Variants in ASTN2 observed in about 807,000 individuals in gnomAD.
The protein encoded by ASTN2 is astrotactin 2.
ASTN2 carries 54 observed loss-of-function variants against 139.8 expected under a neutral mutation model. The observed-to-expected ratio is 0.39, with a 90% CI of 0.31 to 0.48. The LOEUF (loss-of-function observed/expected upper bound fraction) is 0.48, where lower values mean the gene tolerates loss of function less well. ASTN2 is among the 20% of genes least tolerant of loss of function. The probability of loss-of-function intolerance (pLI) is 0.95; values close to 1 mark genes in which losing one functional copy is unlikely to be tolerated. For synonymous variants in ASTN2, 756 were observed against 719.5 expected (o/e 1.05, Z -0.81); for missense variants, 1,565 against 1,725.1 (o/e 0.91, Z 1.64).
rs1485860832 is a variant in ASTN2, at chr9:117,092,452, G to GA, written c.1276+3591dup. ...GAAACGTGGTGGCAAAGCCAGGACT[G>GA]AAAATCACTGTTCCTGTCACACACA... On this transcript the variant is annotated intron_variant, in intron 5 of 22. Transcript: ENST00000313400. Among the ~76,000 whole-genome samples, 4 of 152,146 alleles carry GA rather than the reference G, an allele frequency of 2.6e-5. No homozygotes were observed. The East Asian group carries it at 7.7e-4, about 29-fold the overall frequency.
chr9:117,292,434 T>C (rs946308983), intron 1 of ASTN2, among the ~76,000 whole-genome samples: 3 of 152,154 alleles, frequency 2.0e-5, no homozygotes, highest in Non-Finnish European at 4.4e-5. Context: ...TGACTAAAGG[T>C]GTATGTGCCT....
chr9:117,085,754 A>G (rs749745253), intron 5 of ASTN2, among the ~76,000 whole-genome samples: 1 of 152,166 alleles, frequency 6.6e-6, no homozygotes, highest in Non-Finnish European at 1.5e-5. Context: ...TCTCAGGGAT[A>G]TGATCAGGTT....
chr9:116,473,273 C>T (rs1354547922), intron 20 of ASTN2, among the ~76,000 whole-genome samples: 2 of 152,176 alleles, frequency 1.3e-5, no homozygotes, highest in Non-Finnish European at 2.9e-5. Flanking sequence ...TAAGTACCTA[C>T]TAAGTGCCAG....
At chr9:116,900,750 C>G (rs1018345947) in intron 10 of ASTN2, among the ~76,000 whole-genome samples, 1 of 152,060 alleles carries the variant, frequency 6.6e-6, no homozygotes, top group Non-Finnish European at 1.5e-5. Context: ...TCTCCATCTC[C>G]CTCTTTCCTG....
intron 19 of ASTN2, among the ~76,000 whole-genome samples, chr9:116,545,242 C>A (rs536875104): frequency 6.6e-6 from 1 of 152,328 alleles, no homozygotes; most frequent in African/African-American, 2.4e-5. Flanking sequence ...GGAGTTTCAG[C>A]CCCTAGATGG....
At position 117,331,674 on chromosome 9, in the gene ASTN2, A is replaced by G. The variant is rs145508862; in HGVS notation, c.443-40161T>C. Among the ~76,000 whole-genome samples the G allele has an allele frequency of 2.0e-4, 31 of 152,298 alleles. 1 individual carries two copies. In the East Asian group the frequency reaches 5.6e-3, roughly 28 times the overall value. On this transcript the variant is annotated intron_variant, in intron 1 of 22. Transcript: ENST00000313400. ...GCTCTTGGAATATTAGCGATTTTCA[A>G]CACAATCCTGACATACCTTCTCTAT...
chr9:117,193,436 G>A lies in ASTN2; in HGVS notation c.1015+20922C>T, dbSNP rs371096261. Among the ~76,000 whole-genome samples, 16 of 151,924 alleles carry A rather than the reference G, an allele frequency of 1.1e-4. No individual in the cohort carries two copies. The East Asian group carries it at 2.7e-3, about 26-fold the overall frequency. The stretch of plus-strand genomic sequence containing the variant: ...GGTTGGATCATGAGGTGAGGAGATC[G>A]AGACCATCCTGGCCAACATGGTGAA... On this transcript the variant is annotated intron_variant, in intron 3 of 22. Coordinates refer to ENST00000313400, the MANE Select transcript of ASTN2 (RefSeq NM_001365068.1).
intron 7 of ASTN2, among the ~76,000 whole-genome samples, chr9:116,997,793 G>A (rs1176765530): frequency 6.6e-6 from 1 of 152,132 alleles, no homozygotes; most frequent in Non-Finnish European, 1.5e-5. Context: ...TCTTTGCATG[G>A]TGTTTGGTAC....
intron 2 of ASTN2, among the ~76,000 whole-genome samples, chr9:117,240,870 A>C (rs1343524949): frequency 2.0e-5 from 3 of 152,038 alleles, no homozygotes; most frequent in African/African-American, 4.8e-5. Context: ...TTCACACTCC[A>C]CACCTTATGT....
chr9:116,623,332 C>T (rs917708627), intron 17 of ASTN2, among the ~76,000 whole-genome samples: 16 of 152,156 alleles, frequency 1.1e-4, no homozygotes, highest in African/African-American at 3.6e-4. Flanking sequence ...TCCACATCCA[C>T]TGGCTCTTTC....
At chr9:116,733,669 C>A in intron 13 of ASTN2, 146 bp from the exon 14 acceptor site, 2 of 1,075,236 alleles carry the variant, frequency 1.9e-6, no homozygotes, top group Admixed American at 2.4e-5. Context: ...TGAATCCCAG[C>A]TCTGAGAACA....
chr9:116,474,655 A>C (rs1848920564), intron 20 of ASTN2, among the ~76,000 whole-genome samples: 1 of 152,198 alleles, frequency 6.6e-6, no homozygotes, highest in Non-Finnish European at 1.5e-5. Flanking sequence ...TAATGAGAGC[A>C]GGGAAAAGTT....
intron 1 of ASTN2, among the ~76,000 whole-genome samples, chr9:117,393,319 TG>T (rs1356760065): frequency 6.6e-6 from 1 of 151,936 alleles, no homozygotes; most frequent in Non-Finnish European, 1.5e-5. Context: ...TTGAGATTGT[TG>T]GGGACAGAGA....
intron 2 of ASTN2, among the ~76,000 whole-genome samples, chr9:117,227,677 C>T (rs80310159): frequency 0.074 from 11,197 of 152,160 alleles, 882 homozygotes; most frequent in African/African-American, 0.19. Context: ...TTTTGGTGCC[C>T]AGGTAAGGGG....
At chr9:117,116,796 G>T (rs1442062650) in intron 4 of ASTN2, among the ~76,000 whole-genome samples, 2 of 116,440 alleles carry the variant, frequency 1.7e-5, no homozygotes, top group Non-Finnish European at 3.3e-5. Context: ...GAGTGTGTGT[G>T]TGTGTTGATG....
At chr9:116,484,837 T>C (rs1936238739) in intron 20 of ASTN2, among the ~76,000 whole-genome samples, 1 of 152,136 alleles carries the variant, frequency 6.6e-6, no homozygotes, top group Non-Finnish European at 1.5e-5. Context: ...CAAAGGAAAG[T>C]GTTCATCACT....
intron 20 of ASTN2, among the ~76,000 whole-genome samples, chr9:116,449,594 G>A (rs571323246): frequency 2.6e-5 from 4 of 152,096 alleles, no homozygotes; most frequent in African/African-American, 9.6e-5. Flanking sequence ...CAAGACCCCC[G>A]CCCCAGTTCT....
intron 13 of ASTN2, among the ~76,000 whole-genome samples, chr9:116,773,949 G>A (rs914429011): frequency 2.6e-5 from 4 of 152,156 alleles, no homozygotes; most frequent in Admixed American, 2.0e-4. Flanking sequence ...TTAAGAGAGA[G>A]GTTACTGTCT....
At chr9:117,025,579 A>G (rs1838044499) in intron 6 of ASTN2, among the ~76,000 whole-genome samples, 1 of 152,128 alleles carries the variant, frequency 6.6e-6, no homozygotes. Flanking sequence ...GGTGCCACAG[A>G]CTGATCACTC....
Sources: gnomAD v4.1 joint callset for allele counts (sites outside exome capture counted in the v4.1 genomes callset) on GRCh38, gnomAD v4.1.1 for gene constraint, MANE v1.5 for transcripts, NCBI Gene and HGNC (gene_info 2026-07-23, HGNC 2026-07-21) for gene names.